The following CSMD1 variants were observed in gnomAD, a reference collection of about 807,000 sequenced individuals.
The protein encoded by CSMD1 is CUB and sushi domain-containing protein 1.
Under a neutral mutation model 417.5 loss-of-function variants are expected in CSMD1, and 213 were observed. That is an observed-to-expected ratio of 0.51 (90% CI 0.46 to 0.57). The LOEUF is 0.57. Ranked by LOEUF, CSMD1 falls within the 20% of genes least tolerant of loss-of-function variation. The probability of loss-of-function intolerance (pLI) is 0.00; values close to 1 mark genes in which losing one functional copy is unlikely to be tolerated. For synonymous variants in CSMD1, 2,862 were observed against 1,736.8 expected (o/e 1.65, Z -16.11); for missense variants, 6,923 against 4,529.7 (o/e 1.53, Z -15.17).
At chr8:3,667,960 G>C (rs115339289) in intron 7 of CSMD1, among the ~76,000 whole-genome samples, 2 of 152,126 alleles carry the variant, frequency 1.3e-5, no homozygotes, top group Non-Finnish European at 2.9e-5. Context: ...TCCTCCCTGC[G>C]TCTTTCTAAC....
At chr8:3,725,700 C>G (rs1175383527) in intron 6 of CSMD1, among the ~76,000 whole-genome samples, 1 of 149,248 alleles carries the variant, frequency 6.7e-6, no homozygotes, top group African/African-American at 2.5e-5. Flanking sequence ...GCCACCACTG[C>G]AATGAGAGAG....
chr8:3,676,933 C>A (rs867245730), intron 7 of CSMD1, among the ~76,000 whole-genome samples: 6 of 151,902 alleles, frequency 3.9e-5, no homozygotes, highest in Admixed American at 1.3e-4. Context: ...TGTTCACACT[C>A]ATAAGTGGGA....
At chr8:4,435,157 T>A (rs1262870303) in intron 2 of CSMD1, among the ~76,000 whole-genome samples, 4 of 152,118 alleles carry the variant, frequency 2.6e-5, no homozygotes, top group Admixed American at 2.0e-4. Context: ...ATTATTTTTA[T>A]AAATATAACA....
intron 5 of CSMD1, among the ~76,000 whole-genome samples, chr8:3,786,893 C>T (rs760620076): frequency 1.3e-5 from 2 of 152,132 alleles, no homozygotes; most frequent in Non-Finnish European, 2.9e-5. Context: ...CTAAAAGCCC[C>T]ACCTCCTAAT....
Position 3,106,545 on chromosome 8 carries a change from G to C in CSMD1, c.6932C>G (p.Ser2311Cys), listed in dbSNP as rs1218657794. 1.9e-6 allele frequency: 3 copies of C among 1,612,746 alleles called. No individual in the cohort carries two copies. The highest frequency in any genetic ancestry group is 1.1e-5 in the South Asian group (1 of 90,992). Reference sequence around the variant, plus strand: ...GTGCATACCTTCACATGTTGGGAGAGAACCCTCAAACTGCAACTGGGAACT... The same window carrying C: ...GTGCATACCTTCACATGTTGGGAGACAACCCTCAAACTGCAACTGGGAACT... ...KLSSQLQFEG[S>C]LPTCEAQCPA... The change falls in exon 46 of 70, where the codon TCT (serine) becomes TGT (cysteine). Residue 2311 changes from serine (S) to cysteine (C), a missense_variant. Coordinates refer to ENST00000635120, the MANE Select transcript of CSMD1 (RefSeq NM_033225.6).
At chr8:4,468,579 T>C (rs553987423) in intron 2 of CSMD1, among the ~76,000 whole-genome samples, 2 of 152,192 alleles carry the variant, frequency 1.3e-5, no homozygotes, top group Non-Finnish European at 1.5e-5. Flanking sequence ...CCTTGATTCA[T>C]CCATTCAGCC....
intron 12 of CSMD1, among the ~76,000 whole-genome samples, chr8:3,455,480 A>G (rs899001306): frequency 3.3e-5 from 5 of 152,030 alleles, no homozygotes; most frequent in African/African-American, 1.2e-4. Flanking sequence ...TGATGTACAG[A>G]TGGGGTTTTG....
chr8:4,852,712 G>C (rs763365620), intron 1 of CSMD1, among the ~76,000 whole-genome samples: 1 of 152,274 alleles, frequency 6.6e-6, no homozygotes, highest in Admixed American at 6.5e-5. Context: ...GGAAAGTTTG[G>C]AGATCCTTAG....
intron 3 of CSMD1, among the ~76,000 whole-genome samples, chr8:4,357,314 C>T (rs942446531): frequency 6.6e-6 from 1 of 152,198 alleles, no homozygotes; most frequent in Non-Finnish European, 1.5e-5. Context: ...ACATTTCCTC[C>T]TGATATCATG....
intron 2 of CSMD1, among the ~76,000 whole-genome samples, chr8:4,447,704 CAT>C (rs1798895716): frequency 6.6e-6 from 1 of 152,252 alleles, no homozygotes; most frequent in African/African-American, 2.4e-5. Flanking sequence ...AAAGTGCACT[CAT>C]AGTTAATAAA....
intron 1 of CSMD1, among the ~76,000 whole-genome samples, chr8:4,902,917 C>G (rs1029114129): frequency 1.3e-5 from 2 of 150,072 alleles, no homozygotes; most frequent in Admixed American, 1.3e-4. Context: ...CAATATGCAA[C>G]CTAAACTTAT....
At chr8:4,376,177 A>C (rs1802720789) in intron 3 of CSMD1, among the ~76,000 whole-genome samples, 1 of 152,238 alleles carries the variant, frequency 6.6e-6, no homozygotes, top group African/African-American at 2.4e-5. Flanking sequence ...TAACAACTGT[A>C]TCAAAAGAAT....
At chr8:3,945,877 T>C (rs143679870) in intron 5 of CSMD1, among the ~76,000 whole-genome samples, 2 of 152,236 alleles carry the variant, frequency 1.3e-5, no homozygotes, top group East Asian at 1.9e-4. Flanking sequence ...AGAAATGCTG[T>C]AGACATAAGA....
intron 1 of CSMD1, among the ~76,000 whole-genome samples, chr8:4,707,001 T>C (rs1031863096): frequency 1.3e-5 from 2 of 152,214 alleles, no homozygotes; most frequent in African/African-American, 4.8e-5. Flanking sequence ...AGGACCTTTC[T>C]CTTGAAGTTT....
intron 2 of CSMD1, among the ~76,000 whole-genome samples, chr8:4,607,172 C>T (rs1800921048): frequency 6.6e-6 from 1 of 151,840 alleles, no homozygotes; most frequent in Non-Finnish European, 1.5e-5. Flanking sequence ...TCCTTGTACT[C>T]AAGGAACTAA....
At chr8:3,532,084 C>T (rs754912890) in intron 10 of CSMD1, among the ~76,000 whole-genome samples, 1 of 152,194 alleles carries the variant, frequency 6.6e-6, no homozygotes, top group Non-Finnish European at 1.5e-5. Flanking sequence ...TCTATGAAAG[C>T]CCCTACATTC....
At chr8:4,704,857 C>G (rs1051544643) in intron 1 of CSMD1, among the ~76,000 whole-genome samples, 2 of 152,126 alleles carry the variant, frequency 1.3e-5, no homozygotes, top group Non-Finnish European at 2.9e-5. Context: ...GCAAAACACC[C>G]TAGAGAAGGC....
chr8:4,533,638 C>A (rs1292148695), intron 2 of CSMD1, among the ~76,000 whole-genome samples: 1 of 151,988 alleles, frequency 6.6e-6, no homozygotes, highest in Non-Finnish European at 1.5e-5. Flanking sequence ...GAAGATCTGG[C>A]AGACCCCAAA....
chr8:3,556,552 CCTCT>C (rs9314500), intron 10 of CSMD1, among the ~76,000 whole-genome samples: 3 of 139,738 alleles, frequency 2.1e-5, no homozygotes, highest in East Asian at 2.2e-4. Context: ...ACACACACAC[CCTCT>C]CTCTCTTTCA....
Sources: gnomAD v4.1 joint callset for allele counts (sites outside exome capture counted in the v4.1 genomes callset) on GRCh38, gnomAD v4.1.1 for gene constraint, MANE v1.5 for transcripts, NCBI Gene and HGNC (gene_info 2026-07-23, HGNC 2026-07-21) for gene names.